Variants in TFEC observed in about 807,000 individuals in gnomAD.
TFEC encodes transcription factor EC, also known as class E basic helix-loop-helix protein 34.
TFEC carries 31 observed loss-of-function variants against 41.6 expected under a neutral mutation model. That is an observed-to-expected ratio of 0.74 (90% confidence interval 0.56 to 1.01). The LOEUF is 1.01. Ranked by LOEUF, TFEC falls within the 50% of genes least tolerant of loss-of-function variation. The probability of loss-of-function intolerance (pLI) is 0.00; values close to 1 mark genes in which losing one functional copy is unlikely to be tolerated. For synonymous variants in TFEC, 143 were observed against 140.6 expected (o/e 1.02, Z -0.12); for missense variants, 402 against 404.1 (o/e 0.99, Z 0.04).
At chr7:115,972,939 T>C (rs1198831361) in intron 3 of TFEC, among the ~76,000 whole-genome samples, 1 of 152,000 alleles carries the variant, frequency 6.6e-6, no homozygotes, top group Non-Finnish European at 1.5e-5. Context: ...GAATATTGCT[T>C]AAGAAAATAG....
In TFEC at chr7:115,940,792, GAC is replaced by G; in HGVS notation, c.801_802del (p.Gln269GlyfsTer5). 2 of 1,613,520 alleles carry G rather than the reference GAC, an allele frequency of 1.2e-6. No individual in the cohort carries two copies. Among genetic ancestry groups the G allele is most frequent in the Middle Eastern group, 3.3e-4 (2 of 6,054 alleles). On this transcript the variant is annotated frameshift_variant, in exon 8 of 8. Transcript: ENST00000265440. LOFTEE classifies it high-confidence loss of function. ...ACAGAGCTCAGGGCTTGGCCCCTGA[GAC>G]ACAGTCAGTTGTTGGCAATAGTCTA... is the stretch of plus-strand genomic sequence containing the variant.
chr7:116,101,411 G>A (rs926341449), intron 3 of TFEC, among the ~76,000 whole-genome samples: 4 of 151,978 alleles, frequency 2.6e-5, no homozygotes, highest in African/African-American at 9.7e-5. Flanking sequence ...GAAAGAGAAG[G>A]GAATTGCAAT....
chr7:115,967,966 CTAAA>C (rs1792945665), intron 3 of TFEC, among the ~76,000 whole-genome samples: 1 of 151,584 alleles, frequency 6.6e-6, no homozygotes, highest in South Asian at 2.1e-4. Context: ...ATATTTTTTA[CTAAA>C]TATACTGTTA....
rs745756379 is a variant in TFEC at position 116,047,368 on chromosome 7, C to T, written c.199-62855G>A. 4.8e-4 allele frequency among the ~76,000 whole-genome samples: 73 copies of T among 152,234 alleles called. 1 individual carries two copies. The highest frequency in any genetic ancestry group is 9.3e-4 in the Non-Finnish European group (63 of 68,014). ...AGGAGATTATATCCTGCACCTGGCT[C>T]GGAGGGTCCCACACCCACAGAGACT... is the stretch of plus-strand genomic sequence containing the variant. On this transcript the variant is annotated intron_variant, in intron 3 of 8. Transcript: ENST00000484212.
In TFEC at chr7:116,002,814, C is replaced by T. The variant is rs1195076208; in HGVS notation, c.-72-18301G>A. Reference sequence around the variant, plus strand: ...TGCACCCCTGTTACATACTCACAAACATTAAAACTTTAAAAAAAGAAAGTG... The same window carrying T: ...TGCACCCCTGTTACATACTCACAAATATTAAAACTTTAAAAAAAGAAAGTG... On this transcript the variant is annotated intron_variant, in intron 1 of 7. Coordinates refer to ENST00000265440, the MANE Select transcript of TFEC (RefSeq NM_012252.4). Among the ~76,000 whole-genome samples the T allele has an allele frequency of 2.6e-5, 4 of 151,916 alleles. No homozygotes were observed. In the East Asian group the frequency reaches 7.7e-4, roughly 29 times the overall value.
At chr7:116,039,039 C>A (rs1795972880) in intron 3 of TFEC, among the ~76,000 whole-genome samples, 1 of 152,026 alleles carries the variant, frequency 6.6e-6, no homozygotes, top group African/African-American at 2.4e-5. Context: ...ATCCATCATT[C>A]ATTGGCCAAA....
chr7:116,092,209 A>C (rs1797344961), intron 3 of TFEC, among the ~76,000 whole-genome samples: 1 of 152,168 alleles, frequency 6.6e-6, no homozygotes, highest in South Asian at 2.1e-4. Context: ...ACTCGAAAGC[A>C]CTTTCACATT....
chr7:115,987,608 T>C (rs534560723), intron 1 of TFEC, among the ~76,000 whole-genome samples: 2 of 152,234 alleles, frequency 1.3e-5, no homozygotes, highest in South Asian at 2.1e-4. Flanking sequence ...GTATACAGCA[T>C]AGTCACAATC....
intron 3 of TFEC, among the ~76,000 whole-genome samples, chr7:116,058,773 A>C (rs1796486036): frequency 6.6e-6 from 1 of 151,852 alleles, no homozygotes; most frequent in African/African-American, 2.4e-5. Context: ...AAAATAATAT[A>C]ATATACTTTA....
chr7:115,951,011 G>T, intron 5 of TFEC, 62 bp from the exon 6 acceptor site: 1 of 1,030,226 alleles, frequency 9.7e-7, no homozygotes, highest in Non-Finnish European at 1.4e-6. Flanking sequence ...TTGGTCAGCT[G>T]TAAACATTTT....
intron 1 of TFEC, among the ~76,000 whole-genome samples, chr7:116,154,066 A>C (rs1562989054): frequency 6.6e-6 from 1 of 152,226 alleles, no homozygotes; most frequent in Non-Finnish European, 1.5e-5. Flanking sequence ...AGGGCCAGCT[A>C]ACCATTGCCT....
intron 1 of TFEC, among the ~76,000 whole-genome samples, chr7:116,006,205 G>A (rs1040562293): frequency 2.0e-5 from 3 of 152,184 alleles, no homozygotes; most frequent in Non-Finnish European, 2.9e-5. Context: ...GGAGCTGTGA[G>A]AAGAGGGCCA....
At chr7:116,143,096 G>A (rs903202328) in intron 1 of TFEC, among the ~76,000 whole-genome samples, 2 of 152,150 alleles carry the variant, frequency 1.3e-5, no homozygotes, top group Admixed American at 1.3e-4. Flanking sequence ...CTTTAGACAA[G>A]AAGCCTGCCC....
At chr7:115,952,352 C>CAT (rs1430384243) in intron 5 of TFEC, among the ~76,000 whole-genome samples, 2 of 151,786 alleles carry the variant, frequency 1.3e-5, no homozygotes. Flanking sequence ...ACATATAATA[C>CAT]ATATATACTT....
intron 3 of TFEC, among the ~76,000 whole-genome samples, chr7:116,069,505 T>C (rs1412601579): frequency 6.6e-6 from 1 of 151,686 alleles, no homozygotes; most frequent in African/African-American, 2.4e-5. Flanking sequence ...TCCTTGAACC[T>C]TGCCTCCAGG....
intron 3 of TFEC, among the ~76,000 whole-genome samples, chr7:116,102,494 T>C (rs1797626765): frequency 6.6e-6 from 1 of 152,098 alleles, no homozygotes; most frequent in Non-Finnish European, 1.5e-5. Flanking sequence ...GAAATAATGA[T>C]GACAAATAAT....
chr7:116,118,608 G>A (rs1212021751), intron 1 of TFEC, among the ~76,000 whole-genome samples: 1 of 151,762 alleles, frequency 6.6e-6, no homozygotes, highest in Non-Finnish European at 1.5e-5. Context: ...TATTTTGAAT[G>A]TAATAAATGA....
At chr7:116,011,507 A>C (rs1470496625) in intron 1 of TFEC, among the ~76,000 whole-genome samples, 1 of 152,226 alleles carries the variant, frequency 6.6e-6, no homozygotes, top group Non-Finnish European at 1.5e-5. Flanking sequence ...CTATTGAAGA[A>C]ATAGTATGAA....
At chr7:115,968,344 C>A in intron 3 of TFEC, 1 of 1,436,832 alleles carries the variant, frequency 7.0e-7, no homozygotes. Flanking sequence ...GACTTTAAGA[C>A]TAATCTTGTC....
Sources: gnomAD v4.1 joint callset for allele counts (sites outside exome capture counted in the v4.1 genomes callset) on GRCh38, gnomAD v4.1.1 for gene constraint, MANE v1.5 for transcripts, NCBI Gene and HGNC (gene_info 2026-07-23, HGNC 2026-07-21) for gene names.